The following TAGAP variants were observed in gnomAD, a reference collection of about 807,000 sequenced individuals.
TAGAP encodes T-cell activation Rho GTPase-activating protein.
In TAGAP, 16 loss-of-function variants were observed where a neutral mutation model predicts 36.0. The observed-to-expected ratio is 0.44, with a 90% confidence interval of 0.30 to 0.68. The LOEUF (loss-of-function observed/expected upper bound fraction) is 0.68. Among genes scored for constraint, TAGAP ranks in the 30% least tolerant of loss-of-function variants. The pLI is 0.09. For missense variants in TAGAP, 794 were observed against 921.5 expected (o/e 0.86, Z 1.79); for synonymous variants, 372 against 377.4 (o/e 0.99, Z 0.17).
Position 159,044,879 on chromosome 6 carries a change from C to T in TAGAP, c.-59G>A. On this transcript the variant is annotated splice_region_variant and 5_prime_UTR_variant, in exon 1 of 10. Transcript: ENST00000367066. ...GCATGTTAATATATAGTGTACTTAC[C>T]CTTGGAGGGTCTCTAGCCAGAGTTC... The T allele has an allele frequency of 2.5e-6, 1 of 398,522 alleles. No homozygotes were observed. Among genetic ancestry groups the T allele is most frequent in the Non-Finnish European group, 4.4e-6 (1 of 226,010 alleles). The allele number at this position is 398,522 out of a possible 1,614,324, so 24.7% of individuals were successfully genotyped here.
chr6:159,041,056 G>A lies in TAGAP; in HGVS notation c.478-224C>T. ...GCAGAGTCAGAGGCACCATCCCCAG[G>A]TGGGTGTGTTCTGAGGGGCCACTGG... On this transcript the variant is annotated intron_variant, in intron 6 of 9. Coordinates refer to ENST00000367066, the MANE Select transcript of TAGAP (RefSeq NM_054114.5). The surrounding 1 kb of genome is among the most constrained non-coding windows in gnomAD (Gnocchi z 4.1). 1 of 586,552 alleles carries A rather than the reference G, an allele frequency of 1.7e-6. No individual in the cohort carries two copies. Among genetic ancestry groups the A allele is most frequent in the South Asian group, 2.2e-5 (1 of 44,574 alleles). 36.3% of individuals were successfully genotyped at this position (586,552 alleles called of 1,614,324 possible).
rs1562588206 is a variant in TAGAP at position 159,041,980 on chromosome 6, C to T, written c.315+98G>A. 2 of 1,333,968 alleles carry T rather than the reference C, an allele frequency of 1.5e-6. No individual in the cohort carries two copies. The highest frequency in any genetic ancestry group is 2.3e-5 in the East Asian group (1 of 43,090). The allele number at this position is 1,333,968 out of a possible 1,614,324, so 82.6% of individuals were successfully genotyped here. A position where few individuals can be genotyped will look rare whatever the true frequency, so the allele number is the denominator to read the frequency against. On this transcript the variant is annotated intron_variant, in intron 5 of 9. Transcript: ENST00000367066. The surrounding 1 kb of genome is among the most constrained non-coding windows in gnomAD (Gnocchi z 4.1). ...AGAGTGGAAAATATGGAAGATCAGT[C>T]CCTACAAACTTAATAGGAGAATGAC...
rs1779734686 is a variant in TAGAP, at chr6:159,041,191, G to A, written c.477+163C>T. 1.2e-6 allele frequency: 1 copy of A among 863,892 alleles called. No homozygotes were observed. The highest frequency in any genetic ancestry group is 2.7e-5 in the East Asian group (1 of 36,840). 53.5% of individuals were successfully genotyped at this position (863,892 alleles called of 1,614,324 possible). ...GTTGGAATCTGAGGTCACAGAAACA[G>A]AGGTGCTTACTAAATAAATAAATAA... On this transcript the variant is annotated intron_variant, in intron 6 of 9. Coordinates refer to ENST00000367066, the MANE Select transcript of TAGAP (RefSeq NM_054114.5). The surrounding 1 kb of genome is among the most constrained non-coding windows in gnomAD (Gnocchi z 4.1).
chr6:159,035,991 C>G lies in TAGAP; in HGVS notation c.2032G>C (p.Asp678His), dbSNP rs1779515692. 6.2e-7 allele frequency: 1 copy of G among 1,614,014 alleles called. No individual in the cohort carries two copies. Among genetic ancestry groups the G allele is most frequent in the African/African-American group, 1.3e-5 (1 of 75,034 alleles). ...GGGCCAGACACGTGCCCCAGAGAGT[C>G]CCCAGAAGCATGGACAGTTCTGCTC... The part of the protein sequence containing the change: ...KQSRTVHASG[D>H]SLGHVSGPGR... The change falls in exon 10 of 10, where the codon GAC becomes CAC. Residue 678 changes from aspartate to histidine, a missense_variant. Asp to His is a moderately conservative substitution (Grantham distance 81). Coordinates refer to ENST00000367066, the MANE Select transcript of TAGAP (RefSeq NM_054114.5).
intron 3 of TAGAP, 45 bp from the exon 4 acceptor site, chr6:159,043,700 C>G: frequency 5.8e-6 from 9 of 1,561,622 alleles, no homozygotes; most frequent in Non-Finnish European, 7.9e-6. Flanking sequence ...CTGAAGAAAC[C>G]TATCGAGTCT....
chr6:159,039,344 AG>A lies in TAGAP; in HGVS notation c.588-36del, dbSNP rs745627398. 8.1e-6 allele frequency: 13 copies of A among 1,596,636 alleles called. No individual in the cohort carries two copies. In the South Asian group the frequency reaches 1.4e-4, roughly 18 times the overall value. On this transcript the variant is annotated intron_variant, in intron 7 of 9. Transcript: ENST00000367066. ...AGTGAAGGGATGTTAGTTTTCAAAA[AG>A]GCTAATGGTCTTCAGTGTAGCAAGC...
intron 8 of TAGAP, 26 bp from the exon 9 acceptor site, chr6:159,038,254 C>T: frequency 4.2e-6 from 4 of 943,280 alleles, no homozygotes; most frequent in Non-Finnish European, 3.3e-6. Context: ...AGCAATTTGT[C>T]AGCTTGAAGA....
Position 159,040,772 on chromosome 6 carries a change from C to A in TAGAP, c.538G>T (p.Gly180Cys). 1 of 1,614,160 alleles carries A rather than the reference C, an allele frequency of 6.2e-7. No homozygotes were observed. Among genetic ancestry groups the A allele is most frequent in the Non-Finnish European group, 8.5e-7 (1 of 1,180,004 alleles). ...TCCTCGTCCTGCATCTCCAGAGCAC[C>A]CATCCACTCCTCAAAGAGGTCGCTT... The part of the protein sequence containing the change: ...LSSDLFEEWM[G>C]ALEMQDEEDR... The change falls in exon 7 of 10, where the codon GGT (glycine) becomes TGT (cysteine). Residue 180 changes from glycine to cysteine, a missense_variant. Physicochemically the swap from Gly to Cys is radical, Grantham distance 159. Transcript: ENST00000367066.
chr6:159,039,383 C>A, intron 7 of TAGAP, 74 bp from the exon 8 acceptor site: 1 of 1,484,494 alleles, frequency 6.7e-7, no homozygotes, highest in Non-Finnish European at 9.2e-7. Flanking sequence ...AGAGTTTCTG[C>A]CGAAACCAGA....
intron 8 of TAGAP, 27 bp downstream of exon 8, chr6:159,039,087 G>A: frequency 6.2e-7 from 1 of 1,613,796 alleles, no homozygotes; most frequent in Non-Finnish European, 8.5e-7. Context: ...ATAAGTTGGG[G>A]ATTTCTCATC....
intron 4 of TAGAP, among the ~76,000 whole-genome samples, chr6:159,043,280 A>G (rs1779819961): frequency 6.6e-6 from 1 of 152,222 alleles, no homozygotes; most frequent in Non-Finnish European, 1.5e-5. Flanking sequence ...AGAAAATGGA[A>G]AAGACACTGT....
At chr6:159,038,853 G>A in intron 8 of TAGAP, 1 of 1,316,136 alleles carries the variant, frequency 7.6e-7, no homozygotes, top group East Asian at 3.1e-5. Flanking sequence ...AAACAAAAGG[G>A]CTTTTTTATA....
rs769997038 is a variant in TAGAP, at chr6:159,041,540, G to A, written c.316-25C>T. ...CCTAAAGGAAACAGCAATAGGAACA[G>A]GAAAGGGTTACCCTTCTTCTTTAGT... On this transcript the variant is annotated intron_variant, in intron 5 of 9. Transcript: ENST00000367066. This position sits in a 1 kb window ranked among gnomAD's most constrained non-coding sequence, Gnocchi z 4.1. The A allele has an allele frequency of 2.1e-5, 34 of 1,607,310 alleles. 1 individual carries two copies. In the South Asian group the frequency reaches 3.8e-4, roughly 18 times the overall value.
In TAGAP at chr6:159,038,134, A is replaced by G. The variant is rs1312663156; in HGVS notation, c.878T>C (p.Leu293Pro). The G allele has an allele frequency of 2.5e-6, 4 of 1,611,688 alleles. No individual in the cohort carries two copies. The Admixed American group carries it at 5.0e-5, about 20-fold the overall frequency. Residue 293 changes from leucine (L) to proline (P), a missense_variant, in exon 9 of 10, where the codon CTG becomes CCG. Transcript: ENST00000367066. ...CATACCTGAACTGTCAGTGTGCTCC[A>G]GGGAGTCATCAGAAGTGATACTGGA... ...VHSSITSDDSLEHTDSSDVST... is the reference protein window; with the variant it reads ...VHSSITSDDSPEHTDSSDVST...
chr6:159,039,894 C>T (rs532548197), intron 7 of TAGAP, among the ~76,000 whole-genome samples: 10 of 151,996 alleles, frequency 6.6e-5, no homozygotes, highest in Non-Finnish European at 1.3e-4. Context: ...TTTTCAAAAA[C>T]GAAATGGTGA....
rs1201329371 is a variant in TAGAP, at chr6:159,036,625, G to C, written c.1398C>G (p.Asp466Glu). ...VLKAFSSSSL[D>E]ASSDSSPVAS... is the part of the protein sequence containing the mutation. ...CCACGGGCGAGCTGTCAGAGGACGC[G>C]TCCAGCGAGCTGCTGGAGAAGGCTT... Residue 466 changes from aspartate to glutamate, a missense_variant, in exon 10 of 10, where the codon GAC (aspartate) becomes GAG (glutamate). By Grantham distance (45) the Asp-to-Glu change is conservative. Transcript: ENST00000367066. The surrounding 1 kb of genome is among the most constrained non-coding windows in gnomAD (Gnocchi z 4.9). 18 of 1,614,144 alleles carry C rather than the reference G, an allele frequency of 1.1e-5. No homozygotes were observed. The highest frequency in any genetic ancestry group is 1.5e-5 in the Non-Finnish European group (18 of 1,179,992).
At chr6:159,043,235 A>T (rs1315560477) in intron 4 of TAGAP, among the ~76,000 whole-genome samples, 6 of 152,356 alleles carry the variant, frequency 3.9e-5, no homozygotes, top group Non-Finnish European at 5.9e-5. Flanking sequence ...CAGTTGCTTC[A>T]TAGGCTCTTG....
intron 4 of TAGAP, among the ~76,000 whole-genome samples, chr6:159,043,386 T>C (rs189586021): frequency 8.1e-4 from 124 of 152,366 alleles, no homozygotes; most frequent in South Asian, 1.7e-3. Context: ...GGATTCTCTA[T>C]GGAGAGGCTC....
At position 159,036,750 on chromosome 6, in the gene TAGAP, C is replaced by T. The variant is rs1562584529; in HGVS notation, c.1273G>A (p.Glu425Lys). The change falls in exon 10 of 10, where the codon GAG becomes AAG. Residue 425 changes from glutamate (E) to lysine (K), a missense_variant. Coordinates refer to ENST00000367066, the MANE Select transcript of TAGAP (RefSeq NM_054114.5). The surrounding 1 kb of genome is among the most constrained non-coding windows in gnomAD (Gnocchi z 4.9). ...TTGCCTTGCACTGCAGGGAAGACCT[C>T]CTCTGGAAATGGGTCTTCAGCCTCC... ...SEEAEDPFPE[E>K]VFPAVQGKTK... is the part of the protein sequence containing the mutation. 1 of 1,614,170 alleles carries T rather than the reference C, an allele frequency of 6.2e-7. No homozygotes were observed. Among genetic ancestry groups the T allele is most frequent in the Middle Eastern group, 1.6e-4 (1 of 6,062 alleles).
Sources: gnomAD v4.1 joint callset for allele counts (sites outside exome capture counted in the v4.1 genomes callset) on GRCh38, gnomAD v4.1.1 for gene constraint, Gnocchi (gnomAD v3.1) non-coding constraint, MANE v1.5 for transcripts, NCBI Gene and HGNC (gene_info 2026-07-23, HGNC 2026-07-21) for gene names.